Variants in ZDHHC14 observed in about 807,000 individuals in gnomAD.
ZDHHC14 encodes palmitoyltransferase ZDHHC14.
ZDHHC14 carries 16 observed loss-of-function variants against 47.7 expected under a neutral mutation model. The ratio of observed to expected loss-of-function variants is 0.34; its 90% confidence interval spans 0.23 to 0.51. ZDHHC14 has a LOEUF of 0.51. Among genes scored for constraint, ZDHHC14 ranks in the 20% least tolerant of loss-of-function variants. The pLI, the probability that ZDHHC14 is intolerant of heterozygous loss-of-function variation, is 0.97. For synonymous variants in ZDHHC14, 293 were observed against 278.9 expected (o/e 1.05, Z -0.50); for missense variants, 515 against 662.5 (o/e 0.78, Z 2.44).
intron 5 of ZDHHC14, among the ~76,000 whole-genome samples, chr6:157,643,650 A>AAAATATATATATATATATATAT (rs765773743): frequency 1.4e-5 from 1 of 72,536 alleles, no homozygotes; most frequent in African/African-American, 4.5e-5. Context: ...CTTCATCTCA[A>AAAATATATATATATATATATAT]ATATATATAT....
At position 157,452,690 on chromosome 6, in the gene ZDHHC14, A is replaced by ATTTTTTTT. The variant is rs747862336; in HGVS notation, c.245+70447_245+70454dup. ...TCATAAAGATCACTAATACATGGGG[A>ATTTTTTTT]TTTTTTTTTTTTTTTTTTTTTTTTT... On this transcript the variant is annotated intron_variant, in intron 1 of 8. Transcript: ENST00000359775. Among the ~76,000 whole-genome samples, 39 of 72,958 alleles carry ATTTTTTTT rather than the reference A, an allele frequency of 5.3e-4. 2 individuals are homozygous for ATTTTTTTT. Among genetic ancestry groups the ATTTTTTTT allele is most frequent in the Non-Finnish European group, 7.0e-4 (29 of 41,280 alleles). 47.9% of individuals were successfully genotyped at this position (72,958 alleles called of 152,430 possible). A position where few individuals can be genotyped will look rare whatever the true frequency, so the allele number is the denominator to read the frequency against.
At chr6:157,449,783 G>C (rs1044932484) in intron 1 of ZDHHC14, among the ~76,000 whole-genome samples, 1 of 152,146 alleles carries the variant, frequency 6.6e-6, no homozygotes, top group Non-Finnish European at 1.5e-5. Flanking sequence ...ACTTGTTATT[G>C]ATGGAAAATT....
intron 4 of ZDHHC14, 86 bp from the exon 5 acceptor site, chr6:157,632,748 C>A: frequency 8.3e-7 from 1 of 1,208,510 alleles, no homozygotes; most frequent in Non-Finnish European, 1.2e-6. Flanking sequence ...GATCTTTAGC[C>A]ATCTATTATT....
chr6:157,545,280 T>C (rs893900050), intron 2 of ZDHHC14, among the ~76,000 whole-genome samples: 1 of 152,080 alleles, frequency 6.6e-6, no homozygotes, highest in African/African-American at 2.4e-5. Context: ...GTCGTGGTGA[T>C]GGTTGCACAA....
chr6:157,639,185 G>C (rs1346906802), intron 5 of ZDHHC14, among the ~76,000 whole-genome samples: 2 of 152,248 alleles, frequency 1.3e-5, no homozygotes, highest in Non-Finnish European at 2.9e-5. Flanking sequence ...CCGATGGGGT[G>C]GGGGCAGGCT....
intron 3 of ZDHHC14, among the ~76,000 whole-genome samples, chr6:157,623,695 A>T (rs1220737794): frequency 1.3e-5 from 2 of 151,898 alleles, no homozygotes; most frequent in Non-Finnish European, 2.9e-5. Flanking sequence ...GACTATAGGC[A>T]CACACCACCA....
intron 2 of ZDHHC14, among the ~76,000 whole-genome samples, chr6:157,547,570 T>C (rs1255815434): frequency 1.3e-5 from 2 of 150,000 alleles, no homozygotes; most frequent in African/African-American, 2.5e-5. Flanking sequence ...AACATTTTAA[T>C]TGGAATTTTA....
intron 1 of ZDHHC14, among the ~76,000 whole-genome samples, chr6:157,532,873 G>A (rs1046181902): frequency 1.3e-5 from 2 of 152,178 alleles, no homozygotes; most frequent in Non-Finnish European, 2.9e-5. Context: ...GTTTTTAAAA[G>A]CACAGGCAGA....
intron 1 of ZDHHC14, among the ~76,000 whole-genome samples, chr6:157,448,976 C>G (rs1778741365): frequency 1.3e-5 from 2 of 152,210 alleles, no homozygotes; most frequent in Non-Finnish European, 2.9e-5. Context: ...CTCAGAGAGG[C>G]CTAGTGGCTT....
chr6:157,577,905 T>C (rs994576405), intron 2 of ZDHHC14, among the ~76,000 whole-genome samples: 1 of 152,262 alleles, frequency 6.6e-6, no homozygotes, highest in African/African-American at 2.4e-5. Context: ...TGTGAGATGG[T>C]ATCTCATTGT....
chr6:157,444,413 C>T (rs1019178910), intron 1 of ZDHHC14, among the ~76,000 whole-genome samples: 2 of 152,178 alleles, frequency 1.3e-5, no homozygotes. Flanking sequence ...CATGGTGGCT[C>T]ACGCCTGTAA....
chr6:157,434,836 A>G (rs1027028650), intron 1 of ZDHHC14, among the ~76,000 whole-genome samples: 2 of 152,168 alleles, frequency 1.3e-5, no homozygotes, highest in Non-Finnish European at 2.9e-5. Flanking sequence ...CCGCTCCATG[A>G]CGGAGAGAAT....
chr6:157,528,758 A>ATAAAG (rs1456367556), intron 1 of ZDHHC14, among the ~76,000 whole-genome samples: 6 of 150,860 alleles, frequency 4.0e-5, no homozygotes, highest in African/African-American at 1.5e-4. Flanking sequence ...ATAAAATAAA[A>ATAAAG]TAATTAAAAA....
rs4141470 is a variant in ZDHHC14, at chr6:157,427,452, C to T, written c.245+45186C>T. 0.67 allele frequency among the ~76,000 whole-genome samples: 102,343 copies of T among 151,858 alleles called. 36,488 individuals are homozygous for T. The highest frequency in any genetic ancestry group is 0.89 in the Middle Eastern group (263 of 294). On this transcript the variant is annotated intron_variant, in intron 1 of 8. Transcript: ENST00000359775. The surrounding 1 kb of genome is among the most constrained non-coding windows in gnomAD (Gnocchi z 4.4). Reference sequence around the variant, plus strand: ...CTGCTTCCCACTCTGCTTTCTCCAGCAGGGCCTACCAGCATGGGTTGGCGT... The same window carrying T: ...CTGCTTCCCACTCTGCTTTCTCCAGTAGGGCCTACCAGCATGGGTTGGCGT...
At chr6:157,494,026 AAAGAAG>A (rs1779995608) in intron 1 of ZDHHC14, among the ~76,000 whole-genome samples, 1 of 152,190 alleles carries the variant, frequency 6.6e-6, no homozygotes, top group South Asian at 2.1e-4. Flanking sequence ...CCTTGTTTGT[AAAGAAG>A]AGTGGTCCTC....
chr6:157,541,555 C>A (rs528915640), intron 1 of ZDHHC14, among the ~76,000 whole-genome samples: 4 of 152,290 alleles, frequency 2.6e-5, no homozygotes, highest in Admixed American at 2.0e-4. Context: ...ATGAGGTGGG[C>A]AATCTAGCAT....
chr6:157,465,770 G>C (rs138977262), intron 1 of ZDHHC14, among the ~76,000 whole-genome samples: 3 of 152,114 alleles, frequency 2.0e-5, no homozygotes, highest in African/African-American at 7.2e-5. Flanking sequence ...GGCTGGGCGC[G>C]ATAGCTTATG....
chr6:157,412,281 T>G (rs992156543), intron 1 of ZDHHC14, among the ~76,000 whole-genome samples: 2 of 145,392 alleles, frequency 1.4e-5, no homozygotes, highest in African/African-American at 2.6e-5. Flanking sequence ...TAGAATGGAG[T>G]TTTGTTGTTG....
intron 1 of ZDHHC14, among the ~76,000 whole-genome samples, chr6:157,393,747 C>G (rs1343897440): frequency 1.3e-5 from 2 of 152,168 alleles, no homozygotes; most frequent in Non-Finnish European, 2.9e-5. Context: ...CTTCCTTTAA[C>G]TTCTAGGATG....
Sources: gnomAD v4.1 joint callset for allele counts (sites outside exome capture counted in the v4.1 genomes callset) on GRCh38, gnomAD v4.1.1 for gene constraint, Gnocchi (gnomAD v3.1) non-coding constraint, MANE v1.5 for transcripts, NCBI Gene and HGNC (gene_info 2026-07-23, HGNC 2026-07-21) for gene names.